SNRPE: variants seen among roughly 807,000 people sequenced by gnomAD.
SNRPE encodes small nuclear ribonucleoprotein polypeptide E.
For missense variants in SNRPE, 53 were observed against 111.6 expected (o/e 0.48, Z 2.36); for synonymous variants, 35 against 36.7 (o/e 0.95, Z 0.17).
At chr1:203,867,107 G>GAAAAAAAA (rs71566135) in intron 4 of SNRPE, among the ~76,000 whole-genome samples, 2 of 52,850 alleles carry the variant, frequency 3.8e-5, no homozygotes, top group African/African-American at 1.6e-4. Flanking sequence ...TGTCTTTCCT[G>GAAAAAAAA]AAAAAAAAAA....
At chr1:203,867,245 G>A (rs11240610) in intron 4 of SNRPE, among the ~76,000 whole-genome samples, 114,060 of 150,056 alleles carry the variant, frequency 0.76, 43,432 homozygotes, top group East Asian at 0.8. Context: ...ACGCCACTGC[G>A]CTCCAGCCTG....
At position 203,868,308 on chromosome 1, in the gene SNRPE, G is replaced by A. The variant is rs140838824; in HGVS notation, c.224-1569G>A. Among the ~76,000 whole-genome samples, 378 of 152,116 alleles carry A rather than the reference G, an allele frequency of 2.5e-3. 4 individuals carry two copies. Among genetic ancestry groups the A allele is most frequent in the Middle Eastern group, 0.01 (3 of 294 alleles). ...TGAGCTCAGGCAATCCACCTGCCTC[G>A]GCCTCCCAAATGCTGGGATTACATG... On this transcript the variant is annotated intron_variant, in intron 4 of 4. Coordinates refer to ENST00000414487, the MANE Select transcript of SNRPE (RefSeq NM_003094.4).
At chr1:203,868,213 G>A (rs1007115099) in intron 4 of SNRPE, among the ~76,000 whole-genome samples, 13 of 151,874 alleles carry the variant, frequency 8.6e-5, no homozygotes, top group Non-Finnish European at 1.6e-4. Flanking sequence ...GTACCACCAC[G>A]CCTGGCTGAT....
rs769644999 is a variant in SNRPE, at chr1:203,861,649, G to A, written c.-11G>A. On this transcript the variant is annotated 5_prime_UTR_variant, in exon 1 of 5. Coordinates refer to ENST00000414487, the MANE Select transcript of SNRPE (RefSeq NM_003094.4). The stretch of plus-strand genomic sequence containing the variant: ...GGCAGCGTGCGGGTGTGCTCTTTGT[G>A]AAATTCCACCATGGCGTACCGTGGC... The A allele has an allele frequency of 2.5e-6, 4 of 1,611,560 alleles. No homozygotes were observed. In the African/African-American group the frequency reaches 4.0e-5, roughly 16 times the overall value.
intron 4 of SNRPE, among the ~76,000 whole-genome samples, chr1:203,866,781 C>A (rs1690095911): frequency 1.3e-5 from 2 of 151,918 alleles, no homozygotes; most frequent in Admixed American, 1.3e-4. Flanking sequence ...TCTAATGATT[C>A]TGCAAATCTA....
chr1:203,861,619 T>G lies in SNRPE; in HGVS notation c.-41T>G. 6.4e-7 allele frequency: 1 copy of G among 1,562,888 alleles called. No homozygotes were observed. The highest frequency in any genetic ancestry group is 8.8e-7 in the Non-Finnish European group (1 of 1,133,366). Reference sequence around the variant, plus strand: ...CGGTTCTTTATTCCGGAAGTTGCTCTCAGAGGCAGCGTGCGGGTGTGCTCT... The same window carrying G: ...CGGTTCTTTATTCCGGAAGTTGCTCGCAGAGGCAGCGTGCGGGTGTGCTCT... On this transcript the variant is annotated 5_prime_UTR_variant, in exon 1 of 5. Coordinates refer to ENST00000414487, the MANE Select transcript of SNRPE (RefSeq NM_003094.4).
intron 4 of SNRPE, among the ~76,000 whole-genome samples, chr1:203,869,347 C>A (rs1052869641): frequency 1.0e-5 from 1 of 96,294 alleles, no homozygotes; most frequent in African/African-American, 4.0e-5. Context: ...GCTCTTGTTG[C>A]CCAGGCTGGA....
At chr1:203,867,580 G>A (rs769169276) in intron 4 of SNRPE, among the ~76,000 whole-genome samples, 1 of 152,114 alleles carries the variant, frequency 6.6e-6, no homozygotes, top group Admixed American at 6.6e-5. Flanking sequence ...TAAGGAGTGC[G>A]CAACCTAGAT....
chr1:203,861,963 G>A (rs1689986931), intron 1 of SNRPE: 1 of 610,926 alleles, frequency 1.6e-6, no homozygotes, highest in African/African-American at 1.8e-5. Flanking sequence ...CAGGTGCGGA[G>A]TGAAAACGGG....
chr1:203,867,533 G>A (rs530196616), intron 4 of SNRPE, among the ~76,000 whole-genome samples: 2 of 152,288 alleles, frequency 1.3e-5, no homozygotes, highest in Admixed American at 6.5e-5. Flanking sequence ...TGGGGGTGAT[G>A]GGAGACAGTG....
intron 4 of SNRPE, among the ~76,000 whole-genome samples, chr1:203,868,172 T>C (rs6693424): frequency 0.76 from 115,121 of 151,994 alleles, 43,709 homozygotes; most frequent in East Asian, 0.8. Context: ...TCTCCTGCCT[T>C]AGACTCCCAA....
chr1:203,865,406 T>C (rs1381117328), intron 4 of SNRPE, among the ~76,000 whole-genome samples: 1 of 152,190 alleles, frequency 6.6e-6, no homozygotes, highest in East Asian at 1.9e-4. Flanking sequence ...CATTTGGCAC[T>C]GTTGGCTGCT....
chr1:203,863,162 G>T (rs1025391281), intron 2 of SNRPE, among the ~76,000 whole-genome samples: 7 of 125,608 alleles, frequency 5.6e-5, no homozygotes, highest in Non-Finnish European at 1.1e-4. Context: ...TGACCAAAAT[G>T]GTTAGGTTTT....
At chr1:203,865,816 T>C (rs35207641) in intron 4 of SNRPE, among the ~76,000 whole-genome samples, 14,452 of 152,222 alleles carry the variant, frequency 0.095, 983 homozygotes, top group Non-Finnish European at 0.14. Context: ...CTCACAGAAC[T>C]CGGGGAAACA....
At chr1:203,862,151 A>AG (rs1455972290) in intron 1 of SNRPE, 45 bp from the exon 2 acceptor site, 1 of 1,502,478 alleles carries the variant, frequency 6.7e-7, no homozygotes, top group Non-Finnish European at 9.3e-7. Flanking sequence ...CAGGAAGCAG[A>AG]GTCTATGCTG....
intron 3 of SNRPE, 116 bp from the exon 4 acceptor site, chr1:203,864,925 G>GAAT: frequency 9.8e-7 from 1 of 1,018,762 alleles, no homozygotes; most frequent in Non-Finnish European, 1.3e-6. Flanking sequence ...GTGGGGTGGG[G>GAAT]CTTGAGAAGA....
chr1:203,869,017 T>G (rs1303686312), intron 4 of SNRPE, among the ~76,000 whole-genome samples: 2 of 152,204 alleles, frequency 1.3e-5, no homozygotes, highest in Non-Finnish European at 2.9e-5. Context: ...AAGCTTAGCC[T>G]TACTGAGGTC....
chr1:203,862,563 C>T (rs111575889), intron 2 of SNRPE, among the ~76,000 whole-genome samples: 3,160 of 152,222 alleles, frequency 0.021, 109 homozygotes, highest in African/African-American at 0.07. Context: ...AACCTCTCCC[C>T]TTTAGGATGA....
intron 4 of SNRPE, among the ~76,000 whole-genome samples, chr1:203,866,172 A>G (rs1004654925): frequency 1.4e-4 from 22 of 152,244 alleles, no homozygotes; most frequent in Admixed American, 1.4e-3. Flanking sequence ...GCTGCTGGCC[A>G]TCAGTCAATC....
Sources: allele counts gnomAD v4.1 joint callset (sites outside exome capture counted in the v4.1 genomes callset), GRCh38; gene constraint gnomAD v4.1.1; transcripts MANE v1.5; gene names NCBI Gene and HGNC (gene_info 2026-07-23, HGNC 2026-07-21).